EVL: variants seen among roughly 807,000 people sequenced by gnomAD.
EVL encodes ena/VASP-like protein.
Under a neutral mutation model 59.6 loss-of-function variants are expected in EVL, and 21 were observed. That is an observed-to-expected ratio of 0.35 (90% CI 0.25 to 0.51). The LOEUF is 0.51. Among genes scored for constraint, EVL ranks in the 20% least tolerant of loss-of-function variants. EVL has a pLI of 0.97. For missense variants in EVL, 462 were observed against 546.6 expected (o/e 0.85, Z 1.54); for synonymous variants, 198 against 203.5 (o/e 0.97, Z 0.23).
chr14:100,123,455 G>T (rs1875187774), intron 3 of EVL, 84 bp from the exon 4 acceptor site: 1 of 1,369,834 alleles, frequency 7.3e-7, no homozygotes, highest in African/African-American at 1.4e-5. Context: ...CCAGAAGGTG[G>T]GCAGAGATAG....
At chr14:100,049,399 C>CT (rs1221036646) in intron 1 of EVL, among the ~76,000 whole-genome samples, 2 of 152,070 alleles carry the variant, frequency 1.3e-5, no homozygotes, top group Non-Finnish European at 2.9e-5. Context: ...CTAGGGAGGC[C>CT]TTTTTTGTCA....
intron 1 of EVL, among the ~76,000 whole-genome samples, chr14:100,053,605 T>C (rs1407159956): frequency 6.6e-6 from 1 of 152,232 alleles, no homozygotes; most frequent in Non-Finnish European, 1.5e-5. Context: ...TCAAACATCA[T>C]TAAACCTTAG....
At chr14:100,049,862 C>T (rs1243839734) in intron 1 of EVL, among the ~76,000 whole-genome samples, 1 of 152,150 alleles carries the variant, frequency 6.6e-6, no homozygotes, top group Non-Finnish European at 1.5e-5. Context: ...TATGGATTTG[C>T]CCCTTTTGGA....
At chr14:100,062,216 A>G (rs2061847788), upstream of EVL, among the ~76,000 whole-genome samples, 1 of 23,452 alleles carries the variant, frequency 4.3e-5, no homozygotes, top group African/African-American at 2.4e-4. Flanking sequence ...GTATATATAT[A>G]TATATGTATA....
At chr14:100,099,267 G>A (rs1043065683) in intron 3 of EVL, among the ~76,000 whole-genome samples, 13 of 152,078 alleles carry the variant, frequency 8.5e-5, no homozygotes, top group African/African-American at 2.9e-4. Context: ...GGAGATCTGG[G>A]CATTGTGGTG....
At chr14:100,084,579 G>A in intron 1 of EVL, 108 bp from the exon 2 acceptor site, 1 of 1,210,808 alleles carries the variant, frequency 8.3e-7, no homozygotes, top group Non-Finnish European at 1.1e-6. Context: ...CTGGCAATTG[G>A]AAAGTTTCTT....
intron 1 of EVL, among the ~76,000 whole-genome samples, chr14:100,017,098 T>C (rs1427474037): frequency 6.6e-6 from 1 of 152,248 alleles, no homozygotes; most frequent in African/African-American, 2.4e-5. Flanking sequence ...CTTATAGCTG[T>C]ATGACCCTGG....
At position 100,129,641 on chromosome 14, in the gene EVL, G is replaced by A. The variant is rs1888306737; in HGVS notation, c.796G>A (p.Gly266Arg). The change falls in exon 7 of 14, where the codon GGA becomes AGA. Residue 266 changes from glycine (G) to arginine (R), a missense_variant. Transcript: ENST00000392920. ...DANRASSGGG[G>R]GGLMEEMNKL... The stretch of plus-strand genomic sequence containing the variant: ...CAACCGGGCAAGCAGCGGGGGTGGC[G>A]GAGGAGGCCTCATGGAGGAAATGAA... The A allele has an allele frequency of 1.9e-6, 3 of 1,606,372 alleles. No homozygotes were observed. Among genetic ancestry groups the A allele is most frequent in the Non-Finnish European group, 1.7e-6 (2 of 1,176,052 alleles).
chr14:99,998,023 A>G (rs2060924752), intron 1 of EVL, among the ~76,000 whole-genome samples: 2 of 151,590 alleles, frequency 1.3e-5, no homozygotes, highest in South Asian at 4.2e-4. Flanking sequence ...TATTTATTTT[A>G]TTTTTTATTT....
chr14:100,081,515 A>C (rs1433637728), intron 1 of EVL, among the ~76,000 whole-genome samples: 2 of 8,272 alleles, frequency 2.4e-4, no homozygotes, highest in Non-Finnish European at 4.5e-4. Flanking sequence ...AACAACAGCA[A>C]AAAAAAAAAA....
At chr14:100,009,192 G>A (rs1408914375) in intron 1 of EVL, among the ~76,000 whole-genome samples, 3 of 152,196 alleles carry the variant, frequency 2.0e-5, no homozygotes, top group African/African-American at 7.2e-5. Flanking sequence ...GGAAGGGGTT[G>A]CATGGTCAAG....
chr14:100,063,305 G>A (rs117740570), upstream of EVL, among the ~76,000 whole-genome samples: 12 of 152,290 alleles, frequency 7.9e-5, no homozygotes, highest in East Asian at 1.9e-3. Flanking sequence ...GCACTGCTGC[G>A]TGCTTTGAAA....
At chr14:100,113,734 G>C (rs550132497) in intron 3 of EVL, among the ~76,000 whole-genome samples, 1 of 152,308 alleles carries the variant, frequency 6.6e-6, no homozygotes, top group South Asian at 2.1e-4. Flanking sequence ...TCCAGGGAAG[G>C]AAAGAGGGAA....
rs549153378 is a variant in EVL, at chr14:99,993,349, C to T, written c.5+21292C>T. Among the ~76,000 whole-genome samples the T allele has an allele frequency of 1.2e-4, 19 of 152,180 alleles. No individual in the cohort carries two copies. In the East Asian group the frequency reaches 1.4e-3, roughly 11 times the overall value. ...CTAGGATTACAGGCGTGAGCCACCG[C>T]GCCCGGTCGTTTAATCCTTTTAATG... is the stretch of plus-strand genomic sequence containing the variant. On this transcript the variant is annotated intron_variant, in intron 1 of 13. Transcript: ENST00000402714.
chr14:100,076,337 G>A (rs571784541), intron 1 of EVL, among the ~76,000 whole-genome samples: 1 of 152,276 alleles, frequency 6.6e-6, no homozygotes, highest in Admixed American at 6.5e-5. Context: ...GACCAGCAGA[G>A]TCATCTACAC....
At chr14:100,090,687 AG>A (rs2062546186) in intron 2 of EVL, among the ~76,000 whole-genome samples, 1 of 152,242 alleles carries the variant, frequency 6.6e-6, no homozygotes, top group South Asian at 2.1e-4. Context: ...TCACAGATGG[AG>A]AAAAAGCATT....
rs748879174 is a variant in EVL, at chr14:100,135,931, G to C, written c.927G>C (p.Pro309=). The change falls in exon 9 of 14, where the codon CCG becomes CCC. Residue 309 remains proline (P), a synonymous_variant. Coordinates refer to ENST00000392920, the MANE Select transcript of EVL (RefSeq NM_016337.3). ...QMEDPSTSPS[P]GTRAASQPPN... is the part of the protein sequence containing the mutation. ...AAGATCCTAGTACCTCCCCCTCTCC[G>C]GGGACCCGAGCAGCCAGCCAGCCAC... The C allele has an allele frequency of 2.5e-6, 4 of 1,613,804 alleles. No homozygotes were observed. The highest frequency in any genetic ancestry group is 3.4e-6 in the Non-Finnish European group (4 of 1,179,998).
chr14:100,063,842 T>C (rs557846347), upstream of EVL, among the ~76,000 whole-genome samples: 89 of 152,294 alleles, frequency 5.8e-4, no homozygotes, highest in African/African-American at 2.1e-3. Flanking sequence ...TGTGAAAGGA[T>C]TGAGATCATA....
intron 1 of EVL, among the ~76,000 whole-genome samples, chr14:99,996,903 G>A (rs1374406585): frequency 6.6e-6 from 1 of 152,128 alleles, no homozygotes; most frequent in Non-Finnish European, 1.5e-5. Context: ...CAACTGCCTT[G>A]GCCTCCCAAA....
Sources: allele counts gnomAD v4.1 joint callset (sites outside exome capture counted in the v4.1 genomes callset), GRCh38; gene constraint gnomAD v4.1.1; transcripts MANE v1.5; gene names NCBI Gene and HGNC (gene_info 2026-07-23, HGNC 2026-07-21).